The following TBC1D8 variants were observed in gnomAD, a reference collection of about 807,000 sequenced individuals.
TBC1D8 encodes TBC1 domain family member 8.
TBC1D8 carries 65 observed loss-of-function variants against 118.8 expected under a neutral mutation model. The observed-to-expected ratio is 0.55, with a 90% CI of 0.45 to 0.67. TBC1D8 has a LOEUF of 0.67. Ranked by LOEUF, TBC1D8 falls within the 30% of genes least tolerant of loss-of-function variation. The pLI is 0.00. For missense variants in TBC1D8, 1,376 were observed against 1,471.2 expected (o/e 0.94, Z 1.06); for synonymous variants, 566 against 595.8 (o/e 0.95, Z 0.73).
At chr2:101,063,430 A>G (rs1161406289) in intron 2 of TBC1D8, among the ~76,000 whole-genome samples, 1 of 152,220 alleles carries the variant, frequency 6.6e-6, no homozygotes, top group Non-Finnish European at 1.5e-5. Flanking sequence ...TTTTGTTCCA[A>G]TCTACCCTGC....
Position 101,115,704 on chromosome 2 carries a change from T to C in TBC1D8, c.128-25340A>G, listed in dbSNP as rs538083307. 5.3e-5 allele frequency among the ~76,000 whole-genome samples: 8 copies of C among 152,242 alleles called. No individual in the cohort carries two copies. The East Asian group carries it at 7.7e-4, about 15-fold the overall frequency. On this transcript the variant is annotated intron_variant, in intron 1 of 19. Transcript: ENST00000409318. ...AGGCAGAGGGTGCAATGAGCCGAGA[T>C]TGTACCACTGCACCCCAGCCTGGGT...
intron 17 of TBC1D8, among the ~76,000 whole-genome samples, chr2:101,011,835 T>C (rs1408736449): frequency 6.6e-6 from 1 of 152,240 alleles, no homozygotes; most frequent in Non-Finnish European, 1.5e-5. Context: ...AAAAAATGTA[T>C]GTAGTGAAAT....
At position 101,117,577 on chromosome 2, in the gene TBC1D8, T is replaced by A. The variant is rs6543019; in HGVS notation, c.128-27213A>T. Among the ~76,000 whole-genome samples the A allele has an allele frequency of 1.7e-3, 191 of 115,660 alleles. 1 individual carries two copies. The highest frequency in any genetic ancestry group is 9.0e-3 in the Admixed American group (96 of 10,646). The allele number at this position is 115,660 out of a possible 152,430, so 75.9% of individuals were successfully genotyped here. On this transcript the variant is annotated intron_variant, in intron 1 of 19. Transcript: ENST00000409318. ...TGGTTAGGAGGCAGAACTTTTTTTTTTTTTTTTTTTTTTTGAGACAGAGTC... is the reference window on the plus strand; with the variant it reads ...TGGTTAGGAGGCAGAACTTTTTTTTATTTTTTTTTTTTTTGAGACAGAGTC...
intron 17 of TBC1D8, among the ~76,000 whole-genome samples, chr2:101,013,007 G>C (rs1679346274): frequency 6.6e-6 from 1 of 152,200 alleles, no homozygotes; most frequent in African/African-American, 2.4e-5. Flanking sequence ...CCAGAATAGT[G>C]CTGGGATGCC....
chr2:101,092,807 G>C (rs1430763833), intron 1 of TBC1D8, among the ~76,000 whole-genome samples: 5 of 152,148 alleles, frequency 3.3e-5, no homozygotes. Flanking sequence ...GTATTTAAAA[G>C]CCAGTACGGG....
At chr2:101,016,703 A>G (rs1679665736) in intron 17 of TBC1D8, among the ~76,000 whole-genome samples, 7 of 152,386 alleles carry the variant, frequency 4.6e-5, no homozygotes, top group Admixed American at 4.6e-4. Flanking sequence ...GACTGGATTA[A>G]GAAAATGTGA....
At chr2:101,019,352 T>G (rs1679884374) in intron 17 of TBC1D8, 1 of 231,476 alleles carries the variant, frequency 4.3e-6, no homozygotes, top group Non-Finnish European at 8.4e-6. Context: ...CTAGTATGTC[T>G]GTCCCACCTT....
At chr2:101,104,870 C>T (rs1203371061) in intron 1 of TBC1D8, among the ~76,000 whole-genome samples, 6 of 151,974 alleles carry the variant, frequency 3.9e-5, no homozygotes, top group East Asian at 3.9e-4. Flanking sequence ...AAAAATTAGC[C>T]GGGCATGGTG....
intron 1 of TBC1D8, among the ~76,000 whole-genome samples, chr2:101,111,840 A>C (rs902821610): frequency 1.3e-5 from 2 of 152,146 alleles, no homozygotes; most frequent in African/African-American, 4.8e-5. Context: ...CAGCAATGCA[A>C]ATGTACATAA....
At chr2:101,125,883 T>C (rs996030528) in intron 1 of TBC1D8, among the ~76,000 whole-genome samples, 4 of 152,220 alleles carry the variant, frequency 2.6e-5, no homozygotes, top group Non-Finnish European at 5.9e-5. Flanking sequence ...CCACCAGACA[T>C]TTTAATTATT....
At chr2:101,057,260 T>G (rs1244757246) in intron 3 of TBC1D8, among the ~76,000 whole-genome samples, 1 of 152,168 alleles carries the variant, frequency 6.6e-6, no homozygotes, top group Non-Finnish European at 1.5e-5. Context: ...TGACTCTCAG[T>G]CACCAGAAAC....
chr2:101,080,642 T>C (rs542550036), intron 2 of TBC1D8, among the ~76,000 whole-genome samples: 314 of 152,238 alleles, frequency 2.1e-3, no homozygotes, highest in African/African-American at 7.4e-3. Context: ...CCCTGGCAAG[T>C]CCCTGAGCTC....
At chr2:101,027,267 G>C (rs1002350653) in intron 15 of TBC1D8, 116 bp downstream of exon 15, 1 of 913,286 alleles carries the variant, frequency 1.1e-6, no homozygotes, top group Non-Finnish European at 1.7e-6. Flanking sequence ...GGGCAGCTCC[G>C]GCCTCTGCTC....
intron 2 of TBC1D8, among the ~76,000 whole-genome samples, chr2:101,087,817 G>A (rs532597673): frequency 6.6e-5 from 10 of 152,226 alleles, no homozygotes; most frequent in African/African-American, 1.2e-4. Flanking sequence ...GGGAAAGCAG[G>A]GAGGAGAATA....
chr2:101,017,074 T>TA (rs376317331), intron 17 of TBC1D8, among the ~76,000 whole-genome samples: 1,818 of 132,990 alleles, frequency 0.014, 25 homozygotes, highest in African/African-American at 0.035. Context: ...TTAAAAGTAT[T>TA]AAAAAAAAAA....
At chr2:101,090,136 C>A in intron 2 of TBC1D8, 73 bp downstream of exon 2, 1 of 1,509,428 alleles carries the variant, frequency 6.6e-7, no homozygotes, top group Non-Finnish European at 9.0e-7. Flanking sequence ...TACCTTCAAG[C>A]TTCACCAACA....
intron 17 of TBC1D8, chr2:101,019,713 A>G (rs1251168022): frequency 1.3e-5 from 2 of 152,210 alleles, no homozygotes; most frequent in East Asian, 1.9e-4. Context: ...TAATAAATCA[A>G]TGTAATTAAA....
chr2:101,124,141 A>T (rs1354052275), intron 1 of TBC1D8, among the ~76,000 whole-genome samples: 1 of 152,162 alleles, frequency 6.6e-6, no homozygotes. Context: ...CTTCCCTCCC[A>T]CTGCCACTGG....
At position 101,011,352 on chromosome 2, in the gene TBC1D8, A is replaced by AG. The variant is rs1445065486; in HGVS notation, c.2917+98dup. 3.3e-6 allele frequency: 4 copies of AG among 1,212,600 alleles called. No homozygotes were observed. In the African/African-American group the frequency reaches 4.5e-5, roughly 14 times the overall value. 75.1% of individuals were successfully genotyped at this position (1,212,600 alleles called of 1,614,324 possible). ...GGATAATTCATTGGACGAAGGGAAAAGACAAGGCTGCTACAAGAAGAGGGA... is the reference window on the plus strand; with the variant it reads ...GGATAATTCATTGGACGAAGGGAAAAGGACAAGGCTGCTACAAGAAGAGGGA... On this transcript the variant is annotated intron_variant, in intron 18 of 19. Coordinates refer to ENST00000409318, the MANE Select transcript of TBC1D8 (RefSeq NM_001330348.2).
Sources: gnomAD v4.1 joint callset for allele counts (sites outside exome capture counted in the v4.1 genomes callset) on GRCh38, gnomAD v4.1.1 for gene constraint, MANE v1.5 for transcripts, NCBI Gene and HGNC (gene_info 2026-07-23, HGNC 2026-07-21) for gene names.